The following SUPT3H variants were observed in gnomAD, a reference collection of about 807,000 sequenced individuals.
SUPT3H encodes the protein SPT3 homolog, SAGA and STAGA complex component, also known as transcription initiation protein SPT3 homolog.
Under a neutral mutation model 44.3 loss-of-function variants are expected in SUPT3H, and 44 were observed. That is an observed-to-expected ratio of 0.99 (90% CI 0.78 to 1.28). The LOEUF is 1.28. SUPT3H is among the 50% of genes most tolerant of loss of function. SUPT3H has a pLI of 0.00. For synonymous variants in SUPT3H, 124 were observed against 125.6 expected, an observed-to-expected ratio of 0.99 and a Z score of 0.09; for missense variants, 380 against 387.1, an observed-to-expected ratio of 0.98 and a Z score of 0.15.
intron 9 of SUPT3H, among the ~76,000 whole-genome samples, chr6:44,947,168 G>A (rs149657664): frequency 1.3e-3 from 199 of 152,254 alleles, no homozygotes; most frequent in African/African-American, 4.5e-3. Context: ...ACAGTATAGC[G>A]TAAACATAAT....
At chr6:44,823,169 T>G (rs1291936613), downstream of SUPT3H, among the ~76,000 whole-genome samples, 1 of 151,632 alleles carries the variant, frequency 6.6e-6, no homozygotes, top group Non-Finnish European at 1.5e-5. Flanking sequence ...TATCTGTGTA[T>G]ATGAGAATGA....
chr6:45,322,983 C>A, intron 2 of SUPT3H: 2 of 1,563,794 alleles, frequency 1.3e-6, no homozygotes, highest in Non-Finnish European at 1.7e-6. Context: ...GGAGAAAAAA[C>A]TTCAAACAAT....
intron 2 of SUPT3H, among the ~76,000 whole-genome samples, chr6:45,267,123 AAAAC>A (rs1477660745): frequency 2.0e-5 from 3 of 152,176 alleles, no homozygotes; most frequent in African/African-American, 7.2e-5. Flanking sequence ...CAAAATATGA[AAAAC>A]AAACTCAAAA....
chr6:45,099,707 A>ATT (rs1266996662), intron 3 of SUPT3H, among the ~76,000 whole-genome samples: 5 of 152,228 alleles, frequency 3.3e-5, no homozygotes, highest in African/African-American at 1.2e-4. Flanking sequence ...GTGTCAATAA[A>ATT]TAAGTGTACT....
intron 11 of SUPT3H, among the ~76,000 whole-genome samples, chr6:44,813,624 T>C (rs537388711): frequency 3.8e-4 from 53 of 140,840 alleles, no homozygotes; most frequent in African/African-American, 1.4e-3. Context: ...AACCCAAATA[T>C]TGAGGTAATA....
intron 10 of SUPT3H, among the ~76,000 whole-genome samples, chr6:44,892,925 G>C (rs1162074479): frequency 6.6e-6 from 1 of 152,044 alleles, no homozygotes; most frequent in Non-Finnish European, 1.5e-5. Context: ...GAATTTTTCT[G>C]ATTTTGTACT....
downstream of SUPT3H, among the ~76,000 whole-genome samples, chr6:44,822,084 T>A (rs1767366589): frequency 6.6e-6 from 1 of 152,210 alleles, no homozygotes; most frequent in Non-Finnish European, 1.5e-5. Context: ...AGCACCTACA[T>A]GGGCAAAATA....
At chr6:45,304,534 G>A (rs1782691564) in intron 2 of SUPT3H, among the ~76,000 whole-genome samples, 1 of 152,140 alleles carries the variant, frequency 6.6e-6, no homozygotes, top group South Asian at 2.1e-4. Flanking sequence ...AAACTAAACA[G>A]ACTGTTAGCA....
chr6:45,060,691 C>A (rs1791859195), intron 3 of SUPT3H, among the ~76,000 whole-genome samples: 1 of 152,070 alleles, frequency 6.6e-6, no homozygotes, highest in Non-Finnish European at 1.5e-5. Context: ...ATTTTGCAAT[C>A]TATCCATGAG....
At chr6:45,301,721 A>G (rs1334503705) in intron 2 of SUPT3H, among the ~76,000 whole-genome samples, 1 of 152,166 alleles carries the variant, frequency 6.6e-6, no homozygotes. Flanking sequence ...ATTTTAGTTT[A>G]TCAATCTTTA....
At position 45,354,325 on chromosome 6, in the gene SUPT3H, T is replaced by C. The variant is rs141281860; in HGVS notation, c.101+10876A>G. 8.7e-3 allele frequency among the ~76,000 whole-genome samples: 1,319 copies of C among 152,194 alleles called. 3 individuals are homozygous for C. The highest frequency in any genetic ancestry group is 0.014 in the Non-Finnish European group (976 of 68,008). On this transcript the variant is annotated intron_variant, in intron 2 of 10. Transcript: ENST00000371459. ...TCTGATAACATAGTTGTTCACAATA[T>C]AGCAGGTGAAAGGAAAAAAGGACAG... is the stretch of plus-strand genomic sequence containing the variant.
At chr6:44,832,058 T>A (rs1768885903) in intron 10 of SUPT3H, among the ~76,000 whole-genome samples, 1 of 152,020 alleles carries the variant, frequency 6.6e-6, no homozygotes, top group Non-Finnish European at 1.5e-5. Context: ...TCAGTAAACA[T>A]ATTCCCTAGG....
intron 2 of SUPT3H, among the ~76,000 whole-genome samples, chr6:45,306,246 C>T (rs1424840988): frequency 1.3e-5 from 2 of 152,194 alleles, no homozygotes; most frequent in Admixed American, 6.5e-5. Context: ...AGTACCAAAA[C>T]GAATCCATGC....
chr6:44,933,681 TCA>T (rs1254051695), intron 9 of SUPT3H, among the ~76,000 whole-genome samples: 1 of 152,214 alleles, frequency 6.6e-6, no homozygotes, highest in Non-Finnish European at 1.5e-5. Context: ...TTTCATTTTG[TCA>T]CCTAGACTGC....
At chr6:45,021,568 C>G (rs543444343) in intron 3 of SUPT3H, among the ~76,000 whole-genome samples, 1 of 151,852 alleles carries the variant, frequency 6.6e-6, no homozygotes, top group South Asian at 2.1e-4. Flanking sequence ...CAAGTCTATC[C>G]AATATGAAAT....
At chr6:44,930,297 C>T (rs756671346) in intron 10 of SUPT3H, among the ~76,000 whole-genome samples, 7 of 151,514 alleles carry the variant, frequency 4.6e-5, no homozygotes, top group Admixed American at 6.6e-5. Context: ...AGGAGAATGG[C>T]GTGAATCCGG....
chr6:45,256,758 T>C (rs1166438064), intron 2 of SUPT3H, among the ~76,000 whole-genome samples: 1 of 152,272 alleles, frequency 6.6e-6, no homozygotes, highest in Non-Finnish European at 1.5e-5. Context: ...TTTTGGCATA[T>C]GTCAGTACTT....
chr6:44,813,106 G>A (rs900540202), intron 11 of SUPT3H, among the ~76,000 whole-genome samples: 19 of 152,238 alleles, frequency 1.2e-4, no homozygotes, highest in Non-Finnish European at 2.5e-4. Context: ...AGGAATAAAG[G>A]CAAAGCAGAA....
chr6:45,013,192 A>C (rs902150702), intron 5 of SUPT3H, among the ~76,000 whole-genome samples: 4 of 152,006 alleles, frequency 2.6e-5, no homozygotes, highest in African/African-American at 7.2e-5. Context: ...TGACTGCAGG[A>C]GGGCTCTTTT....
Sources: allele counts gnomAD v4.1 joint callset (sites outside exome capture counted in the v4.1 genomes callset), GRCh38; gene constraint gnomAD v4.1.1; transcripts MANE v1.5; gene names NCBI Gene and HGNC (gene_info 2026-07-23, HGNC 2026-07-21).